The following TOMM70 variants were observed in gnomAD, a reference collection of about 807,000 sequenced individuals.
TOMM70 encodes the protein mitochondrial import receptor subunit TOM70.
A neutral mutation model predicts 73.6 loss-of-function variants in TOMM70; 13 were observed. The observed-to-expected ratio is 0.18, with a 90% CI of 0.11 to 0.28. The LOEUF (loss-of-function observed/expected upper bound fraction) is 0.28, where lower values mean the gene tolerates loss of function less well. Among genes scored for constraint, TOMM70 ranks in the 10% least tolerant of loss-of-function variants. The pLI is 1.00. For synonymous variants in TOMM70, 257 were observed against 271.2 expected, an observed-to-expected ratio of 0.95 and a Z score of 0.51; for missense variants, 609 against 747.5, an observed-to-expected ratio of 0.81 and a Z score of 2.16.
chr3:100,382,745 C>T (rs1706645887), intron 4 of TOMM70, among the ~76,000 whole-genome samples: 1 of 152,092 alleles, frequency 6.6e-6, no homozygotes, highest in African/African-American at 2.4e-5. Context: ...ACCTCCCTGC[C>T]TTCCATACAG....
intron 11 of TOMM70, 109 bp from the exon 12 acceptor site, chr3:100,365,826 A>C: frequency 1.6e-6 from 2 of 1,252,040 alleles, no homozygotes; most frequent in Non-Finnish European, 2.2e-6. Context: ...TCTTCACAAT[A>C]TTCAATGAAG....
chr3:100,380,617 G>A (rs1706622654), intron 5 of TOMM70, among the ~76,000 whole-genome samples: 1 of 152,036 alleles, frequency 6.6e-6, no homozygotes, highest in Non-Finnish European at 1.5e-5. Flanking sequence ...TTAGAATAAT[G>A]GTATTAAATT....
chr3:100,387,836 A>G (rs898947185), intron 1 of TOMM70, among the ~76,000 whole-genome samples: 1 of 151,940 alleles, frequency 6.6e-6, no homozygotes, highest in Non-Finnish European at 1.5e-5. Flanking sequence ...GGGTTTTGCC[A>G]TGTTGCCCAG....
chr3:100,372,560 G>T, intron 9 of TOMM70, 46 bp downstream of exon 9: 1 of 1,394,842 alleles, frequency 7.2e-7, no homozygotes, highest in South Asian at 1.2e-5. Context: ...ACTGAGATTT[G>T]GCATATGTAT....
intron 5 of TOMM70, among the ~76,000 whole-genome samples, chr3:100,378,870 G>C (rs1706596346): frequency 6.6e-6 from 1 of 152,132 alleles, no homozygotes; most frequent in South Asian, 2.1e-4. Flanking sequence ...AGTCAGGCGT[G>C]GTGGCGGGTG....
intron 5 of TOMM70, 53 bp downstream of exon 5, chr3:100,381,562 A>T: frequency 1.3e-6 from 2 of 1,553,952 alleles, no homozygotes; most frequent in Non-Finnish European, 1.7e-6. Context: ...CCCTAAGGAA[A>T]GTTCAAAGCA....
intron 1 of TOMM70, among the ~76,000 whole-genome samples, chr3:100,395,665 TAC>T (rs1393306835): frequency 6.7e-6 from 1 of 148,232 alleles, no homozygotes; most frequent in African/African-American, 2.6e-5. Context: ...TATATATACA[TAC>T]ACACACACAT....
Position 100,368,176 on chromosome 3 carries a change from CA to C in TOMM70, c.1551-11del, listed in dbSNP as rs760364555. On this transcript the variant is annotated splice_polypyrimidine_tract_variant and intron_variant, in intron 10 of 11. Coordinates refer to ENST00000284320, the MANE Select transcript of TOMM70 (RefSeq NM_014820.5). Reference sequence around the variant, plus strand: ...CTGAAGTTGAAGTAAACTGCAAATGCAAAAAAATGTCAGATGTGACCATGGC... The same window carrying C: ...CTGAAGTTGAAGTAAACTGCAAATGCAAAAAATGTCAGATGTGACCATGGC... 5 of 1,603,924 alleles carry C rather than the reference CA, an allele frequency of 3.1e-6. No individual in the cohort carries two copies. The Admixed American group carries it at 5.2e-5, about 17-fold the overall frequency.
At chr3:100,373,368 T>C (rs909191365) in intron 8 of TOMM70, among the ~76,000 whole-genome samples, 170 bp downstream of exon 8, 4 of 152,150 alleles carry the variant, frequency 2.6e-5, no homozygotes, top group Non-Finnish European at 5.9e-5. Context: ...CCCAAACAAA[T>C]GTCCAGAGAA....
chr3:100,399,010 G>A (rs548508792), intron 1 of TOMM70, among the ~76,000 whole-genome samples: 12 of 152,088 alleles, frequency 7.9e-5, no homozygotes, highest in Non-Finnish European at 1.3e-4. Flanking sequence ...GCCCGGGCGC[G>A]GTGGCTCACG....
chr3:100,369,217 A>AT (rs1706482085), intron 9 of TOMM70, 82 bp from the exon 10 acceptor site: 1 of 927,096 alleles, frequency 1.1e-6, no homozygotes, highest in Admixed American at 2.5e-5. Context: ...CATTATAAAA[A>AT]TTTACTTCAT....
intron 5 of TOMM70, among the ~76,000 whole-genome samples, chr3:100,378,704 GAATT>G (rs1010333860): frequency 6.6e-6 from 1 of 152,124 alleles, no homozygotes; most frequent in African/African-American, 2.4e-5. Flanking sequence ...AGCAGACCTA[GAATT>G]AATAACTGAA....
chr3:100,379,289 CA>C (rs1337317335), intron 5 of TOMM70, among the ~76,000 whole-genome samples: 7 of 152,048 alleles, frequency 4.6e-5, no homozygotes, highest in Admixed American at 4.6e-4. Flanking sequence ...TTTCTTATTT[CA>C]GTTGTTATAT....
chr3:100,377,543 G>T, intron 6 of TOMM70, 162 bp downstream of exon 6: 1 of 652,702 alleles, frequency 1.5e-6, no homozygotes. Context: ...TATGTTTTCA[G>T]ATTCACTGCA....
chr3:100,398,560 T>C (rs1393552664), intron 1 of TOMM70, among the ~76,000 whole-genome samples: 1 of 152,202 alleles, frequency 6.6e-6, no homozygotes. Flanking sequence ...CCAAAATTGA[T>C]GTAAGACAAG....
chr3:100,369,502 T>C (rs1706485126), intron 9 of TOMM70, among the ~76,000 whole-genome samples: 2 of 151,220 alleles, frequency 1.3e-5, no homozygotes, highest in Admixed American at 1.3e-4. Context: ...AAGGGAATTT[T>C]TTTTTTTTTT....
rs1706433219 is a variant in TOMM70, at chr3:100,365,130, A to G, written c.*434T>C. The G allele has an allele frequency of 6.5e-6, 1 of 153,890 alleles. No individual in the cohort carries two copies. The highest frequency in any genetic ancestry group is 1.4e-5 in the Non-Finnish European group (1 of 69,190). 9.5% of individuals were successfully genotyped at this position (153,890 alleles called of 1,614,324 possible). A position where few individuals can be genotyped will look rare whatever the true frequency, so the allele number is the denominator to read the frequency against. ...ATCAACTGAAAGCGGTTAACTGAATATAAATCTATTTTACAGCATTTACTA... is the reference window on the plus strand; with the variant it reads ...ATCAACTGAAAGCGGTTAACTGAATGTAAATCTATTTTACAGCATTTACTA... On this transcript the variant is annotated 3_prime_UTR_variant, in exon 12 of 12. Coordinates refer to ENST00000284320, the MANE Select transcript of TOMM70 (RefSeq NM_014820.5).
At position 100,365,646 on chromosome 3, in the gene TOMM70, G is replaced by A. The variant is rs778491727; in HGVS notation, c.1745C>T (p.Ala582Val). 41 of 1,614,058 alleles carry A rather than the reference G, an allele frequency of 2.5e-5. No homozygotes were observed. The highest frequency in any genetic ancestry group is 8.9e-5 in the East Asian group (4 of 44,902). The stretch of plus-strand genomic sequence containing the variant: ...GGCATCGCAAAGTGAATACAGATGG[G>A]CCATCTCCATTTCCGATTTGGCCAG... ...INLAKSEMEM[A>V]HLYSLCDAAH... The change falls in exon 12 of 12, where the codon GCC (alanine) becomes GTC (valine). Residue 582 changes from alanine to valine, a missense_variant. By Grantham distance (64) the Ala-to-Val change is moderately conservative (BLOSUM62 0). Transcript: ENST00000284320.
chr3:100,367,276 AAC>A (rs1176398650), intron 11 of TOMM70, among the ~76,000 whole-genome samples: 1 of 148,556 alleles, frequency 6.7e-6, no homozygotes. Flanking sequence ...GGTTAAAAGA[AAC>A]ACAATTTTTT....
Sources: gnomAD v4.1 joint callset for allele counts (sites outside exome capture counted in the v4.1 genomes callset) on GRCh38, gnomAD v4.1.1 for gene constraint, MANE v1.5 for transcripts, NCBI Gene and HGNC (gene_info 2026-07-23, HGNC 2026-07-21) for gene names.